CHST10: variants seen among roughly 807,000 people sequenced by gnomAD.
CHST10 encodes HNK-1 sulfotransferase.
CHST10 carries 24 observed loss-of-function variants against 34.7 expected under a neutral mutation model. The observed-to-expected ratio is 0.69, with a 90% CI of 0.50 to 0.97. The LOEUF is 0.97. Among genes scored for constraint, CHST10 ranks in the 50% least tolerant of loss-of-function variants. The pLI is 0.00. For synonymous variants in CHST10, 161 were observed against 169.3 expected (o/e 0.95, Z 0.38); for missense variants, 402 against 452.1 (o/e 0.89, Z 1.00).
chr2:100,407,530 G>A (rs1675633784), intron 2 of CHST10: 1 of 152,376 alleles, frequency 6.6e-6, no homozygotes, highest in African/African-American at 2.4e-5. Context: ...GACTGACTGA[G>A]GCCATCCATC....
At chr2:100,405,351 C>T (rs1045403966) in intron 3 of CHST10, among the ~76,000 whole-genome samples, 66 of 152,200 alleles carry the variant, frequency 4.3e-4, no homozygotes, top group African/African-American at 1.6e-3. Flanking sequence ...CATGTGATGA[C>T]AGCCAATCAG....
intron 2 of CHST10, among the ~76,000 whole-genome samples, chr2:100,409,694 C>T (rs1675740527): frequency 6.6e-6 from 1 of 152,128 alleles, no homozygotes; most frequent in African/African-American, 2.4e-5. Context: ...CTTCGGGCTC[C>T]CATTTTTCAT....
rs2104326059 is a variant in CHST10, at chr2:100,398,117, C to T, written c.218G>A (p.Ser73Asn). ...LKPTGKELPD[S>N]QLVQPLVYME... is the part of the protein sequence containing the mutation. ...GTAGACCAGGGGCTGAACGAGCTGGCTGTCTGGAAGCTCCTTCCCAGTTGG... is the reference window on the plus strand; with the variant it reads ...GTAGACCAGGGGCTGAACGAGCTGGTTGTCTGGAAGCTCCTTCCCAGTTGG... The change falls in exon 5 of 7, where the codon AGC becomes AAC. Residue 73 changes from serine to asparagine, a missense_variant. Ser to Asn is a conservative substitution (Grantham distance 46). Transcript: ENST00000264249. The T allele has an allele frequency of 6.2e-7, 1 of 1,612,770 alleles. No individual in the cohort carries two copies. Among genetic ancestry groups the T allele is most frequent in the Non-Finnish European group, 8.5e-7 (1 of 1,179,362 alleles).
intron 4 of CHST10, among the ~76,000 whole-genome samples, chr2:100,399,827 G>A (rs1333498020): frequency 1.3e-5 from 2 of 152,218 alleles, no homozygotes; most frequent in African/African-American, 4.8e-5. Flanking sequence ...CTGACTGCCT[G>A]CTTTTCGAGA....
chr2:100,408,279 T>C (rs921188126), intron 2 of CHST10: 1 of 152,120 alleles, frequency 6.6e-6, no homozygotes, highest in Non-Finnish European at 1.5e-5. Flanking sequence ...GCCAAATTCC[T>C]TGCAAGCCAG....
In CHST10 at chr2:100,393,575, C is replaced by T. The variant is rs139681629; in HGVS notation, c.741G>A (p.Pro247=). Reference sequence around the variant, plus strand: ...ACTGAAGGTCTAGCCATCTGTGGTTCGGATCGCCGAGGTAGCGCACGAAAT... The same window carrying T: ...ACTGAAGGTCTAGCCATCTGTGGTTTGGATCGCCGAGGTAGCGCACGAAAT... ...FEDFVRYLGD[P]NHRWLDLQFG... Residue 247 remains proline (P), a synonymous_variant, in exon 7 of 7, where the codon CCG becomes CCA. Transcript: ENST00000264249. 81 of 1,614,122 alleles carry T rather than the reference C, an allele frequency of 5.0e-5. No homozygotes were observed. In the African/African-American group the frequency reaches 6.8e-4, roughly 14 times the overall value.
In CHST10 at chr2:100,393,690, A is replaced by G. The variant is rs1160378464; in HGVS notation, c.626T>C (p.Phe209Ser). 1.2e-6 allele frequency: 2 copies of G among 1,614,140 alleles called. No individual in the cohort carries two copies. Among genetic ancestry groups the G allele is most frequent in the Non-Finnish European group, 8.5e-7 (1 of 1,180,024 alleles). Reference protein sequence around the residue: ...FKDKFVHNPRFEPWYRHEIAP... With the variant: ...FKDKFVHNPRSEPWYRHEIAP... ...AATCTCATGCCTGTACCAAGGCTCA[A>G]ACCGGGGATTGTGAACAAATTTATC... Residue 209 changes from phenylalanine (F) to serine (S), a missense_variant, in exon 7 of 7, where the codon TTT (phenylalanine) becomes TCT (serine). Phe to Ser is a radical substitution (Grantham distance 155, BLOSUM62 -2). Transcript: ENST00000264249.
intron 5 of CHST10, 90 bp from the exon 6 acceptor site, chr2:100,395,704 C>T: frequency 1.0e-6 from 1 of 981,390 alleles, no homozygotes; most frequent in Non-Finnish European, 1.6e-6. Context: ...TACCTTGGGC[C>T]TCATGTTCCC....
At chr2:100,395,665 T>C (rs1558633939) in intron 5 of CHST10, 51 bp from the exon 6 acceptor site, 3 of 1,435,356 alleles carry the variant, frequency 2.1e-6, no homozygotes, top group Non-Finnish European at 2.9e-6. Context: ...GTACGCCCCT[T>C]AGAGAAGGGC....
chr2:100,393,712 T>A lies in CHST10; in HGVS notation c.604A>T (p.Lys202Ter). 6.2e-7 allele frequency: 1 copy of A among 1,613,980 alleles called. No homozygotes were observed. Among genetic ancestry groups the A allele is most frequent in the Non-Finnish European group, 8.5e-7 (1 of 1,179,966 alleles). The change falls in exon 7 of 7, where the codon AAA (lysine) becomes TAA (stop). Residue 202 changes from lysine to a stop codon, truncating the protein, a stop_gained. Coordinates refer to ENST00000264249, the MANE Select transcript of CHST10 (RefSeq NM_004854.5). LOFTEE classifies it high-confidence loss of function. ...FERLISAFKD[K>*]FVHNPRFEPW... ...TCAAACCGGGGATTGTGAACAAATT[T>A]ATCCTTAAATGCAGAAATAAGTCTT...
intron 6 of CHST10, among the ~76,000 whole-genome samples, 158 bp from the exon 7 acceptor site, chr2:100,393,940 C>G (rs2104301106): frequency 6.6e-6 from 1 of 152,252 alleles, no homozygotes; most frequent in East Asian, 1.9e-4. Flanking sequence ...TAATCTACTC[C>G]AAGATCCTGT....
At chr2:100,402,785 C>T in intron 3 of CHST10, 130 bp from the exon 4 acceptor site, 1 of 720,962 alleles carries the variant, frequency 1.4e-6, no homozygotes, top group South Asian at 1.8e-5. Flanking sequence ...CCATAAAAGC[C>T]ATTCAGCGGA....
intron 4 of CHST10, among the ~76,000 whole-genome samples, chr2:100,400,512 T>C (rs1675291051): frequency 6.6e-6 from 1 of 152,240 alleles, no homozygotes; most frequent in Non-Finnish European, 1.5e-5. Flanking sequence ...AGTGCTGGGA[T>C]TATAGGCGTA....
At chr2:100,409,776 G>A (rs986334921) in intron 2 of CHST10, among the ~76,000 whole-genome samples, 8 of 152,176 alleles carry the variant, frequency 5.3e-5, no homozygotes, top group Non-Finnish European at 7.3e-5. Flanking sequence ...AACTGACCAT[G>A]TATCATCCAA....
In CHST10 at chr2:100,398,037, G is replaced by C. The variant is rs376278671; in HGVS notation, c.298C>G (p.Leu100Val). ...AACTTGGAGACAGGAGTGTGCGAGAGATTCTTCAGGGCATCATCCCTGCAG... is the reference window on the plus strand; with the variant it reads ...AACTTGGAGACAGGAGTGTGCGAGACATTCTTCAGGGCATCATCCCTGCAG... ...NVCRDDALKN[L>V]SHTPVSKFVL... The change falls in exon 5 of 7, where the codon CTC becomes GTC. Residue 100 changes from leucine to valine, a missense_variant. Physicochemically the swap from Leu to Val is conservative, Grantham distance 32. Coordinates refer to ENST00000264249, the MANE Select transcript of CHST10 (RefSeq NM_004854.5). The C allele has an allele frequency of 2.8e-5, 45 of 1,614,202 alleles. No homozygotes were observed. In the African/African-American group the frequency reaches 4.4e-4, roughly 16 times the overall value.
rs544143765 is a variant in CHST10, at chr2:100,401,305, C to T, written c.192+1259G>A. ...CAGAATAAAAATATACCTCAGAGGG[C>T]GGCTCGGAAGACCAATGAGATTGAA... On this transcript the variant is annotated intron_variant, in intron 4 of 6. Coordinates refer to ENST00000264249, the MANE Select transcript of CHST10 (RefSeq NM_004854.5). Among the ~76,000 whole-genome samples, 16 of 152,296 alleles carry T rather than the reference C, an allele frequency of 1.1e-4. No individual in the cohort carries two copies. The East Asian group carries it at 2.9e-3, about 28-fold the overall frequency.
chr2:100,400,583 T>A (rs1205900238), intron 4 of CHST10, among the ~76,000 whole-genome samples: 1 of 152,232 alleles, frequency 6.6e-6, no homozygotes, highest in African/African-American at 2.4e-5. Context: ...AGAATGAGCA[T>A]TGTTTTCTTT....
chr2:100,416,760 G>A (rs1009534363), intron 1 of CHST10: 3 of 357,146 alleles, frequency 8.4e-6, no homozygotes, highest in South Asian at 6.3e-5. Flanking sequence ...ACCAGAACCT[G>A]GCTGCACTAC....
rs1475595842 is a variant in CHST10, at chr2:100,393,667, T to G, written c.649A>C (p.Ile217Leu). ...PRFEPWYRHE[I>L]APGIIRKYRR... ...TATTTTCTGATGATGCCAGGAGCAA[T>G]CTCATGCCTGTACCAAGGCTCAAAC... is the stretch of plus-strand genomic sequence containing the variant. Residue 217 changes from isoleucine to leucine, a missense_variant, in exon 7 of 7, where the codon ATT (isoleucine) becomes CTT (leucine). Ile to Leu is a conservative substitution (Grantham distance 5). Coordinates refer to ENST00000264249, the MANE Select transcript of CHST10 (RefSeq NM_004854.5). 1 of 1,614,092 alleles carries G rather than the reference T, an allele frequency of 6.2e-7. No homozygotes were observed. Among genetic ancestry groups the G allele is most frequent in the Non-Finnish European group, 8.5e-7 (1 of 1,180,024 alleles).
Sources: gnomAD v4.1 joint callset for allele counts (sites outside exome capture counted in the v4.1 genomes callset) on GRCh38, gnomAD v4.1.1 for gene constraint, MANE v1.5 for transcripts, NCBI Gene and HGNC (gene_info 2026-07-23, HGNC 2026-07-21) for gene names.